The following EYS variants were observed in gnomAD, a reference collection of about 807,000 sequenced individuals.
EYS encodes the protein EGF-like photoreceptor maintenance factor, also known as protein eyes shut homolog.
A neutral mutation model predicts 282.1 loss-of-function variants in EYS; 250 were observed. The observed-to-expected ratio is 0.89, with a 90% confidence interval of 0.80 to 0.98. The LOEUF is 0.98. Among genes scored for constraint, EYS ranks in the 50% least tolerant of loss-of-function variants. The pLI is 0.00. For missense variants in EYS, 4,016 were observed against 3,709.0 expected, an observed-to-expected ratio of 1.08 and a Z score of -2.15; for synonymous variants, 1,355 against 1,282.9, an observed-to-expected ratio of 1.06 and a Z score of -1.20.
At chr6:64,743,432 G>T (rs1219867901) in intron 22 of EYS, among the ~76,000 whole-genome samples, 1 of 151,946 alleles carries the variant, frequency 6.6e-6, no homozygotes. Context: ...AATTTTATTG[G>T]TTATAGAAAT....
chr6:64,819,408 A>G (rs1764834322), intron 21 of EYS, among the ~76,000 whole-genome samples: 1 of 152,154 alleles, frequency 6.6e-6, no homozygotes, highest in African/African-American at 2.4e-5. Flanking sequence ...GGTGCAAATG[A>G]AATAAAAAGT....
rs185110739 is a variant in EYS, at chr6:63,852,017, C to T, written c.7228+12169G>A. Reference sequence around the variant, plus strand: ...CTAAAAATACAAAAAATTAGCCAGGCGTAGTGGCGGGCACCTGTAGTCCCA... The same window carrying T: ...CTAAAAATACAAAAAATTAGCCAGGTGTAGTGGCGGGCACCTGTAGTCCCA... On this transcript the variant is annotated intron_variant, in intron 36 of 42. Transcript: ENST00000503581. Among the ~76,000 whole-genome samples, 907 of 151,644 alleles carry T rather than the reference C, an allele frequency of 6.0e-3. 6 individuals are homozygous for T. Among genetic ancestry groups the T allele is most frequent in the African/African-American group, 0.019 (793 of 41,362 alleles).
intron 22 of EYS, among the ~76,000 whole-genome samples, chr6:64,643,439 C>T (rs868133225): frequency 1.3e-5 from 2 of 152,110 alleles, no homozygotes; most frequent in Non-Finnish European, 2.9e-5. Context: ...GTCATCCTAC[C>T]CATAAAAGGT....
At chr6:64,238,353 AT>A (rs1321682927) in intron 30 of EYS, among the ~76,000 whole-genome samples, 1 of 151,968 alleles carries the variant, frequency 6.6e-6, no homozygotes, top group Non-Finnish European at 1.5e-5. Flanking sequence ...ATAGATTCTG[AT>A]TTTACTTTCT....
Position 64,813,402 on chromosome 6 carries a change from C to T in EYS, c.3419G>A (p.Gly1140Glu), listed in dbSNP as rs995707027. Residue 1140 changes from glycine (G) to glutamate (E), a missense_variant, in exon 22 of 43, where the codon GGG becomes GAG. Gly to Glu is a moderately conservative substitution (Grantham distance 98). Coordinates refer to ENST00000503581, the MANE Select transcript of EYS (RefSeq NM_001142800.2). ...CCTGCAGTCAAAAGTATGTCCAGGCCCATCAACACAGATCCCTCCATTAAG... is the reference window on the plus strand; with the variant it reads ...CCTGCAGTCAAAAGTATGTCCAGGCTCATCAACACAGATCCCTCCATTAAG... ...ICLNGGICVD[G>E]PGHTFDCRCL... 4.0e-5 allele frequency: 62 copies of T among 1,546,580 alleles called. No homozygotes were observed. Among genetic ancestry groups the T allele is most frequent in the Non-Finnish European group, 5.3e-5 (61 of 1,144,296 alleles).
chr6:63,878,672 C>T (rs1773045588), intron 35 of EYS, among the ~76,000 whole-genome samples: 2 of 152,186 alleles, frequency 1.3e-5, no homozygotes, highest in Non-Finnish European at 2.9e-5. Flanking sequence ...AAGCCTCCGC[C>T]ATGGCAGACG....
chr6:65,013,441 C>T (rs912197448), intron 13 of EYS, among the ~76,000 whole-genome samples: 19 of 152,096 alleles, frequency 1.2e-4, no homozygotes, highest in African/African-American at 4.3e-4. Context: ...ATGATGGGTT[C>T]AAATAGGCAA....
At chr6:65,548,655 C>T (rs1768481944) in intron 2 of EYS, among the ~76,000 whole-genome samples, 1 of 152,154 alleles carries the variant, frequency 6.6e-6, no homozygotes, top group Admixed American at 6.5e-5. Context: ...TGTATCCTTT[C>T]CAATTTGAAC....
At chr6:65,285,389 G>T (rs1312459202) in intron 12 of EYS, among the ~76,000 whole-genome samples, 1 of 151,878 alleles carries the variant, frequency 6.6e-6, no homozygotes, top group East Asian at 1.9e-4. Flanking sequence ...AAAAGATAGA[G>T]AAATCACTTA....
At position 63,826,845 on chromosome 6, in the gene EYS, CAAAAA is replaced by C. The variant is rs59957107; in HGVS notation, c.7229-20478_7229-20474del. On this transcript the variant is annotated intron_variant, in intron 36 of 42. Transcript: ENST00000503581. ...TAAAACAAAAATACAAGTTAAAAAG[CAAAAA>C]AAAAAAAAAAAAAAGGACAAAAACA... Among the ~76,000 whole-genome samples, 45 of 76,736 alleles carry C rather than the reference CAAAAA, an allele frequency of 5.9e-4. No individual in the cohort carries two copies. The East Asian group carries it at 9.1e-3, about 16-fold the overall frequency. The allele number at this position is 76,736 out of a possible 152,430, so 50.3% of individuals were successfully genotyped here. A position where few individuals can be genotyped will look rare whatever the true frequency, so the allele number is the denominator to read the frequency against.
chr6:63,780,495 C>T (rs557134069), intron 39 of EYS, among the ~76,000 whole-genome samples: 41 of 152,224 alleles, frequency 2.7e-4, no homozygotes, highest in African/African-American at 8.9e-4. Context: ...TCTCTGATGG[C>T]CACTGATGAT....
chr6:65,067,175 G>A (rs1030234186), intron 12 of EYS, among the ~76,000 whole-genome samples: 23 of 152,190 alleles, frequency 1.5e-4, no homozygotes, highest in African/African-American at 4.8e-4. Context: ...CATGTATGTG[G>A]AGAATTCAAT....
At chr6:65,288,136 T>C (rs1037962223) in intron 12 of EYS, among the ~76,000 whole-genome samples, 3 of 151,170 alleles carry the variant, frequency 2.0e-5, no homozygotes, top group Admixed American at 1.3e-4. Context: ...TCGTTAAATA[T>C]CTTTAGCCCT....
intron 26 of EYS, among the ~76,000 whole-genome samples, chr6:64,482,562 GAAGA>G (rs1013631304): frequency 1.3e-5 from 2 of 151,618 alleles, no homozygotes; most frequent in African/African-American, 4.8e-5. Flanking sequence ...ACAGATTTTT[GAAGA>G]AAGAATGAAT....
intron 22 of EYS, among the ~76,000 whole-genome samples, chr6:64,642,959 TA>T (rs1346331562): frequency 6.6e-6 from 1 of 152,072 alleles, no homozygotes; most frequent in Non-Finnish European, 1.5e-5. Flanking sequence ...CTACTAGAAG[TA>T]CAAAATTAGC....
At chr6:64,197,596 A>G (rs184248091) in intron 31 of EYS, among the ~76,000 whole-genome samples, 2 of 152,088 alleles carry the variant, frequency 1.3e-5, no homozygotes, top group Admixed American at 1.3e-4. Flanking sequence ...AGTTTCCTCA[A>G]ATTTCAAAAG....
intron 33 of EYS, among the ~76,000 whole-genome samples, chr6:64,066,042 T>C (rs781436246): frequency 2.0e-5 from 3 of 151,918 alleles, no homozygotes; most frequent in Non-Finnish European, 2.9e-5. Context: ...GGAGGATGAA[T>C]CATGAGGTCA....
Position 65,100,975 on chromosome 6 carries a change from A to T in EYS, c.2024-43248T>A, listed in dbSNP as rs114727018. ...ATGAAATGAGATACCTTTGGGAAGT[A>T]CTGAATTATTCCTCTCTCAAAATAT... On this transcript the variant is annotated intron_variant, in intron 12 of 42. Transcript: ENST00000503581. Among the ~76,000 whole-genome samples, 1,133 of 151,202 alleles carry T rather than the reference A, an allele frequency of 7.5e-3. 23 individuals carry two copies. The highest frequency in any genetic ancestry group is 0.025 in the African/African-American group (1,017 of 41,460).
chr6:64,786,516 G>A (rs1364163567), intron 22 of EYS, among the ~76,000 whole-genome samples: 3 of 152,204 alleles, frequency 2.0e-5, no homozygotes, highest in Non-Finnish European at 2.9e-5. Context: ...GGGGATATGC[G>A]GGGGCAGTCA....
Sources: allele counts gnomAD v4.1 joint callset (sites outside exome capture counted in the v4.1 genomes callset), GRCh38; gene constraint gnomAD v4.1.1; transcripts MANE v1.5; gene names NCBI Gene and HGNC (gene_info 2026-07-23, HGNC 2026-07-21).